The following TPRG1 variants were observed in gnomAD, a reference collection of about 807,000 sequenced individuals.
TPRG1 encodes tumor protein p63-regulated gene 1 protein.
TPRG1 carries 29 observed loss-of-function variants against 29.3 expected under a neutral mutation model. The observed-to-expected ratio is 0.99, with a 90% confidence interval of 0.74 to 1.35. The LOEUF (loss-of-function observed/expected upper bound fraction) is 1.35, where lower values mean the gene tolerates loss of function less well. Among genes scored for constraint, TPRG1 ranks in the 40% most tolerant of loss-of-function variants. The pLI, the probability that TPRG1 is intolerant of heterozygous loss-of-function variation, is 0.00. For synonymous variants in TPRG1, 130 were observed against 116.8 expected, an observed-to-expected ratio of 1.11 and a Z score of -0.73; for missense variants, 327 against 335.0, an observed-to-expected ratio of 0.98 and a Z score of 0.19.
chr3:189,041,199 G>C (rs1714611537), intron 4 of TPRG1, among the ~76,000 whole-genome samples: 1 of 152,146 alleles, frequency 6.6e-6, no homozygotes, highest in Non-Finnish European at 1.5e-5. Context: ...TTCTTGCTAA[G>C]TTGGAAGGAG....
chr3:189,156,404 T>C (rs1361287585), intron 5 of TPRG1, among the ~76,000 whole-genome samples: 4 of 151,892 alleles, frequency 2.6e-5, no homozygotes, highest in African/African-American at 9.7e-5. Flanking sequence ...TTTGCAGTGA[T>C]TTGTTACAGC....
At chr3:189,319,839 G>C (rs575716581) in intron 5 of TPRG1, among the ~76,000 whole-genome samples, 1 of 152,136 alleles carries the variant, frequency 6.6e-6, no homozygotes, top group South Asian at 2.1e-4. Context: ...CTAGACTTCT[G>C]TCTAAAAGGC....
At chr3:189,003,483 T>C (rs1712132812) in intron 2 of TPRG1, among the ~76,000 whole-genome samples, 1 of 152,198 alleles carries the variant, frequency 6.6e-6, no homozygotes, top group Non-Finnish European at 1.5e-5. Flanking sequence ...TGTTCTCTGA[T>C]ACCACACAGG....
chr3:189,262,867 G>C (rs1370364375), intron 4 of TPRG1, among the ~76,000 whole-genome samples: 1 of 152,218 alleles, frequency 6.6e-6, no homozygotes, highest in African/African-American at 2.4e-5. Flanking sequence ...GGCAGGCCCA[G>C]GGCCTTGCTG....
At chr3:189,177,408 G>A (rs1031183535) in intron 1 of TPRG1, among the ~76,000 whole-genome samples, 2 of 151,060 alleles carry the variant, frequency 1.3e-5, no homozygotes, top group Admixed American at 1.3e-4. Context: ...GTATGTATAC[G>A]CATATATATG....
rs953100293 is a variant in TPRG1, at chr3:189,110,635, G to C, written c.-744+10431G>C. Among the ~76,000 whole-genome samples, 3 of 151,922 alleles carry C rather than the reference G, an allele frequency of 2.0e-5. 1 individual carries two copies. In the South Asian group the frequency reaches 6.2e-4, roughly 32 times the overall value. ...TATTCCACAGTTACAAAGTTTTTTGGTATTTTTTTAATTCTGCTTTTTCTT... is the reference window on the plus strand; with the variant it reads ...TATTCCACAGTTACAAAGTTTTTTGCTATTTTTTTAATTCTGCTTTTTCTT... On this transcript the variant is annotated intron_variant, in intron 1 of 6. Coordinates refer to the TPRG1 transcript ENST00000412373.
At chr3:189,263,760 C>T (rs1211799527) in intron 4 of TPRG1, among the ~76,000 whole-genome samples, 2 of 152,136 alleles carry the variant, frequency 1.3e-5, no homozygotes, top group East Asian at 1.9e-4. Context: ...AGGGCTTTAT[C>T]AGTGATGCTG....
intron 4 of TPRG1, among the ~76,000 whole-genome samples, chr3:189,287,116 C>T (rs994884342): frequency 2.0e-5 from 3 of 152,024 alleles, no homozygotes; most frequent in South Asian, 2.1e-4. Context: ...TGCTTGTCAC[C>T]GCATGGTTGC....
intron 3 of TPRG1, among the ~76,000 whole-genome samples, chr3:189,019,840 C>T (rs1312042759): frequency 2.0e-4 from 30 of 149,746 alleles, no homozygotes; most frequent in African/African-American, 6.6e-4. Flanking sequence ...TGGTAGAATT[C>T]GGCTGTGAAT....
intron 2 of TPRG1, among the ~76,000 whole-genome samples, chr3:189,001,560 C>A (rs1475148601): frequency 6.6e-6 from 1 of 152,134 alleles, no homozygotes; most frequent in African/African-American, 2.4e-5. Context: ...ATGAGGGCTC[C>A]ATCTTCATGA....
At chr3:189,159,834 T>TTGTGTG (rs779237990) in intron 5 of TPRG1, among the ~76,000 whole-genome samples, 7,934 of 95,342 alleles carry the variant, frequency 0.083, 262 homozygotes, top group Middle Eastern at 0.11. Context: ...CATGGAGTGT[T>TTGTGTG]TGTGTATGTG....
At chr3:189,227,250 C>A (rs1188952959) in intron 3 of TPRG1, among the ~76,000 whole-genome samples, 1 of 152,138 alleles carries the variant, frequency 6.6e-6, no homozygotes, top group Non-Finnish European at 1.5e-5. Context: ...ACTGCCTGAG[C>A]CCAGGAGTTT....
chr3:189,093,879 A>G (rs550012633), intron 4 of TPRG1, among the ~76,000 whole-genome samples: 18 of 152,304 alleles, frequency 1.2e-4, no homozygotes, highest in South Asian at 6.2e-4. Flanking sequence ...GGGCCTTTCT[A>G]CTTGTCTTTA....
intron 4 of TPRG1, among the ~76,000 whole-genome samples, chr3:189,288,194 A>T (rs1394082953): frequency 1.3e-5 from 2 of 152,026 alleles, no homozygotes; most frequent in Non-Finnish European, 2.9e-5. Flanking sequence ...TTAGATTCAG[A>T]TCAATAATGT....
chr3:189,248,057 T>A (rs1396951226), intron 4 of TPRG1, among the ~76,000 whole-genome samples: 1 of 151,922 alleles, frequency 6.6e-6, no homozygotes, highest in Non-Finnish European at 1.5e-5. Context: ...CTATTGACTT[T>A]ATTAGATAAA....
chr3:189,020,218 T>C (rs1473162087), intron 3 of TPRG1, among the ~76,000 whole-genome samples: 3 of 150,114 alleles, frequency 2.0e-5, no homozygotes, highest in Non-Finnish European at 1.5e-5. Flanking sequence ...GGGTTTTTTG[T>C]GTCTCTATTT....
intron 2 of TPRG1, among the ~76,000 whole-genome samples, chr3:189,210,493 G>A (rs536664968): frequency 2.1e-5 from 3 of 146,002 alleles, no homozygotes; most frequent in Non-Finnish European, 4.4e-5. Context: ...GAGTCTCAAA[G>A]ATTGAAATCT....
intron 4 of TPRG1, among the ~76,000 whole-genome samples, chr3:189,285,996 G>T (rs1717997545): frequency 6.6e-6 from 1 of 152,040 alleles, no homozygotes; most frequent in South Asian, 2.1e-4. Context: ...TCTCAAAGAT[G>T]GAGCTTCAGA....
At chr3:189,113,774 G>C (rs1173062748) in intron 1 of TPRG1, among the ~76,000 whole-genome samples, 2 of 151,786 alleles carry the variant, frequency 1.3e-5, no homozygotes, top group African/African-American at 4.8e-5. Flanking sequence ...GTTGTGGGGT[G>C]GGGGGACGGG....
Sources: gnomAD v4.1 joint callset for allele counts (sites outside exome capture counted in the v4.1 genomes callset) on GRCh38, gnomAD v4.1.1 for gene constraint, MANE v1.5 for transcripts, NCBI Gene and HGNC (gene_info 2026-07-23, HGNC 2026-07-21) for gene names.